Variants in FKBP5 observed in about 807,000 individuals in gnomAD.
The protein encoded by FKBP5 is FKBP prolyl isomerase 5, also known as peptidyl-prolyl cis-trans isomerase FKBP5.
FKBP5 carries 23 observed loss-of-function variants against 50.5 expected under a neutral mutation model. The observed-to-expected ratio is 0.46, with a 90% CI of 0.33 to 0.65. FKBP5 has a LOEUF of 0.65. Ranked by LOEUF, FKBP5 falls within the 30% of genes least tolerant of loss-of-function variation. The pLI is 0.02. For missense variants in FKBP5, 411 were observed against 553.1 expected (o/e 0.74, Z 2.58); for synonymous variants, 176 against 190.6 (o/e 0.92, Z 0.63).
intron 2 of FKBP5, among the ~76,000 whole-genome samples, chr6:35,720,054 G>T (rs1340004582): frequency 6.6e-6 from 1 of 152,238 alleles, no homozygotes; most frequent in African/African-American, 2.4e-5. Context: ...CTCGGCAGTT[G>T]GGGGCTAGGG....
intron 1 of FKBP5, among the ~76,000 whole-genome samples, chr6:35,656,617 A>C (rs1764956516): frequency 6.6e-6 from 1 of 152,134 alleles, no homozygotes; most frequent in Non-Finnish European, 1.5e-5. Flanking sequence ...AGGCTGGGCA[A>C]AGTGGCTCAT....
intron 2 of FKBP5, among the ~76,000 whole-genome samples, chr6:35,641,703 T>C (rs1466491641): frequency 6.6e-6 from 1 of 152,106 alleles, no homozygotes; most frequent in Non-Finnish European, 1.5e-5. Flanking sequence ...AATATTTATA[T>C]ATAAAAATAA....
chr6:35,674,194 G>C (rs1317139026), intron 1 of FKBP5, among the ~76,000 whole-genome samples: 1 of 152,156 alleles, frequency 6.6e-6, no homozygotes, highest in Non-Finnish European at 1.5e-5. Context: ...AAAAGAGAAA[G>C]CCAAAAACAT....
chr6:35,582,441 CT>C, intron 8 of FKBP5: 1 of 427,228 alleles, frequency 2.3e-6, no homozygotes, highest in Non-Finnish European at 3.1e-6. Context: ...GGATTAGAGC[CT>C]TTATAAGAAG....
At chr6:35,714,452 CAAAAA>C (rs371107974) in intron 2 of FKBP5, among the ~76,000 whole-genome samples, 1 of 104,904 alleles carries the variant, frequency 9.5e-6, no homozygotes, top group Admixed American at 1.0e-4. Context: ...AACACTGCCT[CAAAAA>C]AAAAAAAAAA....
At chr6:35,585,077 A>G (rs1762559440) in intron 8 of FKBP5, 4 of 985,342 alleles carry the variant, frequency 4.1e-6, no homozygotes, top group Non-Finnish European at 4.8e-6. Flanking sequence ...CACCGATTAG[A>G]GCCTCTGAAT....
At chr6:35,629,708 G>A (rs1204444261) in intron 3 of FKBP5, among the ~76,000 whole-genome samples, 1 of 152,050 alleles carries the variant, frequency 6.6e-6, no homozygotes, top group African/African-American at 2.4e-5. Flanking sequence ...ATGTAATATC[G>A]AATTTAAATG....
chr6:35,710,522 T>C (rs1418817107), intron 2 of FKBP5, among the ~76,000 whole-genome samples: 1 of 151,860 alleles, frequency 6.6e-6, no homozygotes, highest in African/African-American at 2.4e-5. Flanking sequence ...CTGGTCAAAA[T>C]GTGGAACAGT....
chr6:35,616,524 C>T (rs577865488), intron 5 of FKBP5, among the ~76,000 whole-genome samples: 23 of 151,914 alleles, frequency 1.5e-4, no homozygotes, highest in Admixed American at 4.6e-4. Flanking sequence ...CTGTGTAAAG[C>T]ATATAAGGGA....
chr6:35,631,398 A>T (rs981691065), intron 3 of FKBP5, among the ~76,000 whole-genome samples: 5 of 152,226 alleles, frequency 3.3e-5, no homozygotes, highest in Non-Finnish European at 7.3e-5. Context: ...AAACCAAGTT[A>T]GTGACTGCCT....
At chr6:35,683,386 A>G (rs1480305795) in intron 1 of FKBP5, among the ~76,000 whole-genome samples, 1 of 151,334 alleles carries the variant, frequency 6.6e-6, no homozygotes, top group Non-Finnish European at 1.5e-5. Context: ...TCCTGGGCTC[A>G]AGCAACCCTC....
intron 2 of FKBP5, among the ~76,000 whole-genome samples, chr6:35,694,366 C>T (rs975391241): frequency 3.6e-4 from 54 of 152,014 alleles, no homozygotes; most frequent in African/African-American, 1.2e-3. Context: ...AGGCTGGTCT[C>T]GAACTCCTGG....
intron 1 of FKBP5, among the ~76,000 whole-genome samples, chr6:35,647,766 A>G (rs1408827859): frequency 1.3e-5 from 2 of 152,212 alleles, no homozygotes; most frequent in Non-Finnish European, 2.9e-5. Flanking sequence ...TCTGGAAGAC[A>G]TAATAATCCT....
At chr6:35,717,093 C>A (rs1283371696) in intron 2 of FKBP5, among the ~76,000 whole-genome samples, 1 of 152,170 alleles carries the variant, frequency 6.6e-6, no homozygotes, top group African/African-American at 2.4e-5. Flanking sequence ...CTGCCAGGCA[C>A]CCAAACAAGG....
At chr6:35,711,185 C>T (rs750766728) in intron 2 of FKBP5, among the ~76,000 whole-genome samples, 8 of 151,840 alleles carry the variant, frequency 5.3e-5, no homozygotes, top group Non-Finnish European at 7.4e-5. Context: ...AGAGTGGTGG[C>T]TCGCACCTGT....
chr6:35,682,657 G>A (rs1216924407), intron 1 of FKBP5, among the ~76,000 whole-genome samples: 1 of 151,838 alleles, frequency 6.6e-6, no homozygotes, highest in Non-Finnish European at 1.5e-5. Context: ...CTACAAAAGG[G>A]AAAAAACAAC....
rs1312367661 is a variant in FKBP5, at chr6:35,660,426, G to A, written c.-19-17583C>T. 6.3e-5 allele frequency among the ~76,000 whole-genome samples: 5 copies of A among 79,364 alleles called. 2 individuals are homozygous for A. Among genetic ancestry groups the A allele is most frequent in the Non-Finnish European group, 1.4e-4 (5 of 35,222 alleles). The allele number at this position is 79,364 out of a possible 152,430, so 52.1% of individuals were successfully genotyped here. On this transcript the variant is annotated intron_variant, in intron 1 of 10. Transcript: ENST00000357266. ...TGGGATTATAGGCATGCACCACCAC[G>A]CCCGGCTGATTTTGTATTTTTAGTA...
intron 8 of FKBP5, chr6:35,582,301 A>G: frequency 1.0e-6 from 1 of 985,224 alleles, no homozygotes; most frequent in Non-Finnish European, 1.2e-6. Flanking sequence ...TAGATTTGCT[A>G]TGGACTGAAT....
chr6:35,663,701 A>AG (rs1765136333), intron 1 of FKBP5, among the ~76,000 whole-genome samples: 3 of 152,166 alleles, frequency 2.0e-5, no homozygotes, highest in Non-Finnish European at 4.4e-5. Flanking sequence ...TTAGCTGCAT[A>AG]GCTCACTCCC....
Sources: gnomAD v4.1 joint callset for allele counts (sites outside exome capture counted in the v4.1 genomes callset) on GRCh38, gnomAD v4.1.1 for gene constraint, MANE v1.5 for transcripts, NCBI Gene and HGNC (gene_info 2026-07-23, HGNC 2026-07-21) for gene names.